NXPH1: variants seen among roughly 807,000 people sequenced by gnomAD.
NXPH1 encodes neurexophilin-1.
NXPH1 carries 5 observed loss-of-function variants against 23.7 expected under a neutral mutation model. The observed-to-expected ratio is 0.21, with a 90% confidence interval of 0.11 to 0.44. The LOEUF is 0.44. Ranked by LOEUF, NXPH1 falls within the 20% of genes least tolerant of loss-of-function variation. The pLI is 0.99. For missense variants in NXPH1, 324 were observed against 321.6 expected, an observed-to-expected ratio of 1.01 and a Z score of -0.06; for synonymous variants, 144 against 122.2, an observed-to-expected ratio of 1.18 and a Z score of -1.18.
chr7:8,598,470 T>C (rs942589113), intron 2 of NXPH1, among the ~76,000 whole-genome samples: 9 of 152,158 alleles, frequency 5.9e-5, no homozygotes, highest in African/African-American at 2.2e-4. Context: ...CTGCTATCTT[T>C]GTCACGTTTC....
At chr7:8,583,939 G>A (rs532838882) in intron 2 of NXPH1, among the ~76,000 whole-genome samples, 60 of 152,186 alleles carry the variant, frequency 3.9e-4, no homozygotes, top group Middle Eastern at 3.2e-3. Flanking sequence ...ATGGCATACA[G>A]TGAGAACACA....
chr7:8,621,490 C>CTTTTTTTTTTT (rs113473603), intron 2 of NXPH1, among the ~76,000 whole-genome samples: 3 of 140,292 alleles, frequency 2.1e-5, no homozygotes, highest in African/African-American at 7.7e-5. Context: ...GCTAGCCACT[C>CTTTTTTTTTTT]TTTTTTTTTT....
rs554699609 is a variant in NXPH1, at chr7:8,721,459, C to A, written c.55-29549C>A. ...TAGTCTTTGCAGTCTATTTAAGAAC[C>A]AAGATTACTTAAAGAAAGACAGTTT... On this transcript the variant is annotated intron_variant, in intron 2 of 2. Transcript: ENST00000405863. Among the ~76,000 whole-genome samples the A allele has an allele frequency of 5.9e-5, 9 of 152,174 alleles. No individual in the cohort carries two copies. In the East Asian group the frequency reaches 1.7e-3, roughly 29 times the overall value.
At chr7:8,697,956 G>A (rs1233713673) in intron 2 of NXPH1, among the ~76,000 whole-genome samples, 2 of 152,152 alleles carry the variant, frequency 1.3e-5, no homozygotes, top group Admixed American at 1.3e-4. Context: ...AAGATAATTT[G>A]GATTGCATTC....
At chr7:8,749,552 A>G (rs1780530403) in intron 2 of NXPH1, among the ~76,000 whole-genome samples, 1 of 152,158 alleles carries the variant, frequency 6.6e-6, no homozygotes, top group East Asian at 1.9e-4. Flanking sequence ...ATAATTCCTA[A>G]TGGGCCTGAA....
At chr7:8,595,943 A>G (rs1245298151) in intron 2 of NXPH1, among the ~76,000 whole-genome samples, 1 of 152,052 alleles carries the variant, frequency 6.6e-6, no homozygotes, top group Admixed American at 6.6e-5. Flanking sequence ...GTGATTTTTA[A>G]GTTACTCAGA....
intron 2 of NXPH1, among the ~76,000 whole-genome samples, chr7:8,745,017 AG>A (rs1489914573): frequency 6.6e-6 from 1 of 152,218 alleles, no homozygotes; most frequent in African/African-American, 2.4e-5. Context: ...CTACTTAAAA[AG>A]AAAACAAAAT....
chr7:8,489,665 C>T (rs939117604), intron 2 of NXPH1, among the ~76,000 whole-genome samples: 1 of 152,028 alleles, frequency 6.6e-6, no homozygotes, highest in East Asian at 1.9e-4. Context: ...AAGAAAAGCT[C>T]AAGATTCCTG....
chr7:8,473,463 A>G (rs1816907555), intron 2 of NXPH1, among the ~76,000 whole-genome samples: 1 of 152,160 alleles, frequency 6.6e-6, no homozygotes, highest in Non-Finnish European at 1.5e-5. Context: ...ACCCCCTGCC[A>G]TCTAAAACTG....
chr7:8,740,651 C>T (rs951335047), intron 2 of NXPH1, among the ~76,000 whole-genome samples: 13 of 152,002 alleles, frequency 8.6e-5, no homozygotes, highest in South Asian at 2.1e-4. Context: ...TCTGTGGTAC[C>T]TGAAGCACTG....
chr7:8,665,411 A>C (rs1365766463), intron 2 of NXPH1, among the ~76,000 whole-genome samples: 1 of 151,958 alleles, frequency 6.6e-6, no homozygotes, highest in African/African-American at 2.4e-5. Context: ...ATGCTGTTTT[A>C]ATATAATTTT....
At chr7:8,599,250 C>G (rs1819300607) in intron 2 of NXPH1, among the ~76,000 whole-genome samples, 1 of 152,036 alleles carries the variant, frequency 6.6e-6, no homozygotes, top group Non-Finnish European at 1.5e-5. Flanking sequence ...TTATAGGTGG[C>G]ATGGGATTGG....
chr7:8,557,311 A>G (rs933764923), intron 2 of NXPH1, among the ~76,000 whole-genome samples: 1 of 151,682 alleles, frequency 6.6e-6, no homozygotes, highest in Non-Finnish European at 1.5e-5. Context: ...CAACAATGTG[A>G]TTAGACCCCT....
At chr7:8,618,550 G>T (rs1819795778) in intron 2 of NXPH1, among the ~76,000 whole-genome samples, 1 of 152,096 alleles carries the variant, frequency 6.6e-6, no homozygotes, top group Non-Finnish European at 1.5e-5. Context: ...GCAGAAAGAG[G>T]ACAAAGTAGC....
At chr7:8,525,336 T>G (rs750127575) in intron 2 of NXPH1, among the ~76,000 whole-genome samples, 1 of 152,164 alleles carries the variant, frequency 6.6e-6, no homozygotes, top group Non-Finnish European at 1.5e-5. Context: ...GTAACTTGGG[T>G]GCTATTAAAG....
At chr7:8,551,539 A>G (rs1227463454) in intron 2 of NXPH1, among the ~76,000 whole-genome samples, 1 of 151,574 alleles carries the variant, frequency 6.6e-6, no homozygotes, top group Non-Finnish European at 1.5e-5. Flanking sequence ...CGATTTTGGA[A>G]CAAGGTAAAA....
intron 2 of NXPH1, among the ~76,000 whole-genome samples, chr7:8,539,311 G>C (rs150027715): frequency 2.0e-5 from 3 of 151,756 alleles, no homozygotes; most frequent in African/African-American, 7.2e-5. Context: ...AGCTAAAGAA[G>C]CTGCAAGTGG....
rs1273917718 is a variant in NXPH1, at chr7:8,721,912, A to AAAG, written c.55-29096_55-29095insAAG. ...AGGAAATTAATGATACACTTAGAAT[A>AAAG]TGCTATTTAATTTCACCACCCCCAT... On this transcript the variant is annotated intron_variant, in intron 2 of 2. Transcript: ENST00000405863. Among the ~76,000 whole-genome samples the AAAG allele has an allele frequency of 9.2e-5, 14 of 152,348 alleles. No homozygotes were observed. The East Asian group carries it at 2.7e-3, about 29-fold the overall frequency.
At chr7:8,652,233 T>C (rs1402035686) in intron 2 of NXPH1, among the ~76,000 whole-genome samples, 1 of 152,130 alleles carries the variant, frequency 6.6e-6, no homozygotes, top group African/African-American at 2.4e-5. Flanking sequence ...TGTAACAAAA[T>C]CACCTTTAAT....
Sources: gnomAD v4.1 joint callset for allele counts (sites outside exome capture counted in the v4.1 genomes callset) on GRCh38, gnomAD v4.1.1 for gene constraint, MANE v1.5 for transcripts, NCBI Gene and HGNC (gene_info 2026-07-23, HGNC 2026-07-21) for gene names.